DOCK1: variants seen among roughly 807,000 people sequenced by gnomAD.
The protein encoded by DOCK1 is dedicator of cytokinesis 1.
Under a neutral mutation model 262.7 loss-of-function variants are expected in DOCK1, and 138 were observed. That is an observed-to-expected ratio of 0.53 (90% CI 0.46 to 0.61). The LOEUF is 0.61. DOCK1 is among the 20% of genes least tolerant of loss of function. DOCK1 has a pLI of 0.00. For synonymous variants in DOCK1, 866 were observed against 867.4 expected, an observed-to-expected ratio of 1.00 and a Z score of 0.03; for missense variants, 1,908 against 2,370.7, an observed-to-expected ratio of 0.80 and a Z score of 4.05.
intron 29 of DOCK1, among the ~76,000 whole-genome samples, chr10:127,330,800 C>T (rs1198981557): frequency 6.6e-6 from 1 of 152,156 alleles, no homozygotes; most frequent in Non-Finnish European, 1.5e-5. Context: ...TAGAAGAAGT[C>T]ATGAATATTA....
At chr10:126,952,503 A>G (rs2036346796) in intron 1 of DOCK1, among the ~76,000 whole-genome samples, 1 of 135,224 alleles carries the variant, frequency 7.4e-6, no homozygotes, top group Non-Finnish European at 1.6e-5. Flanking sequence ...TATTATTGGT[A>G]GTGTTGGTGT....
chr10:127,067,342 A>G (rs1408914138), intron 23 of DOCK1, among the ~76,000 whole-genome samples: 1 of 152,118 alleles, frequency 6.6e-6, no homozygotes, highest in Non-Finnish European at 1.5e-5. Flanking sequence ...AAATATTACT[A>G]CCTTCCCTTA....
chr10:127,295,916 TCTC>T (rs2061489909), intron 29 of DOCK1, among the ~76,000 whole-genome samples: 1 of 152,204 alleles, frequency 6.6e-6, no homozygotes, highest in Non-Finnish European at 1.5e-5. Flanking sequence ...AATATTTAAA[TCTC>T]CTCTATTGGA....
At chr10:127,405,329 A>T (rs2067456962) in intron 40 of DOCK1, among the ~76,000 whole-genome samples, 1 of 152,174 alleles carries the variant, frequency 6.6e-6, no homozygotes, top group African/African-American at 2.4e-5. Context: ...AAGTTACATA[A>T]ATATTAATAG....
At chr10:127,235,406 G>A (rs1240968618) in intron 27 of DOCK1, among the ~76,000 whole-genome samples, 2 of 152,024 alleles carry the variant, frequency 1.3e-5, no homozygotes, top group East Asian at 3.9e-4. Context: ...TCTGTATCTG[G>A]CTTATTTTGC....
intron 1 of DOCK1, among the ~76,000 whole-genome samples, chr10:126,966,760 C>A (rs1162213218): frequency 6.6e-6 from 1 of 152,050 alleles, no homozygotes; most frequent in East Asian, 1.9e-4. Flanking sequence ...GGGAAAAGAT[C>A]CACTCACTGT....
intron 27 of DOCK1, among the ~76,000 whole-genome samples, chr10:127,245,152 A>C (rs867380602): frequency 1.3e-5 from 2 of 152,222 alleles, no homozygotes; most frequent in African/African-American, 4.8e-5. Flanking sequence ...GCCCAAAAAA[A>C]TACTGATAAC....
chr10:127,152,642 T>C (rs1239669257), intron 27 of DOCK1, among the ~76,000 whole-genome samples: 1 of 152,238 alleles, frequency 6.6e-6, no homozygotes, highest in African/African-American at 2.4e-5. Context: ...CAGCATAGGA[T>C]GTCAGCAGCA....
chr10:127,017,394 TACAG>T, intron 12 of DOCK1, among the ~76,000 whole-genome samples: 1 of 151,104 alleles, frequency 6.6e-6, no homozygotes, highest in East Asian at 2.0e-4. Flanking sequence ...TACATACAGA[TACAG>T]ACACAGACAT....
intron 23 of DOCK1, among the ~76,000 whole-genome samples, chr10:127,063,429 G>C (rs757175608): frequency 2.0e-5 from 3 of 152,114 alleles, no homozygotes; most frequent in Non-Finnish European, 2.9e-5. Flanking sequence ...AGGTGGTGCA[G>C]CTGTTTGGTG....
At chr10:127,030,547 G>C (rs958976062) in intron 16 of DOCK1, among the ~76,000 whole-genome samples, 2 of 152,144 alleles carry the variant, frequency 1.3e-5, no homozygotes, top group Non-Finnish European at 2.9e-5. Flanking sequence ...GATTGTCCCC[G>C]TTGTCACTGT....
intron 27 of DOCK1, among the ~76,000 whole-genome samples, chr10:127,128,766 A>T (rs926648085): frequency 2.0e-5 from 3 of 152,188 alleles, no homozygotes; most frequent in African/African-American, 7.2e-5. Context: ...TATAGGTGCC[A>T]CATTTTCTTT....
intron 11 of DOCK1, 78 bp downstream of exon 11, chr10:127,008,882 A>ATT: frequency 5.6e-6 from 7 of 1,255,444 alleles, no homozygotes; most frequent in Non-Finnish European, 6.7e-6. Context: ...CTTTATAATT[A>ATT]AATGGATAAA....
chr10:127,268,284 G>A (rs190417651), intron 29 of DOCK1, among the ~76,000 whole-genome samples: 319 of 151,916 alleles, frequency 2.1e-3, no homozygotes, highest in African/African-American at 2.7e-3. Context: ...TTGGGAGGCC[G>A]AGGGAGTTCG....
At chr10:127,237,158 A>G (rs931306592) in intron 27 of DOCK1, among the ~76,000 whole-genome samples, 2 of 152,132 alleles carry the variant, frequency 1.3e-5, no homozygotes, top group Admixed American at 6.5e-5. Flanking sequence ...CTGGAGTTTG[A>G]GACCAGCCTG....
At chr10:126,958,282 A>G (rs2036909477) in intron 1 of DOCK1, among the ~76,000 whole-genome samples, 1 of 152,132 alleles carries the variant, frequency 6.6e-6, no homozygotes, top group African/African-American at 2.4e-5. Context: ...ATGGTGTTGA[A>G]CTTTTTTCTG....
At chr10:127,311,093 T>C (rs902595753) in intron 29 of DOCK1, among the ~76,000 whole-genome samples, 5 of 152,208 alleles carry the variant, frequency 3.3e-5, no homozygotes, top group East Asian at 1.9e-4. Flanking sequence ...CCAGACTTCA[T>C]TGAGCACACG....
chr10:127,255,181 C>T (rs1295203188), intron 28 of DOCK1, among the ~76,000 whole-genome samples: 1 of 152,152 alleles, frequency 6.6e-6, no homozygotes. Flanking sequence ...AGGAGGATTC[C>T]TTGAGCCCAG....
At chr10:127,093,001 C>T (rs932906479) in intron 23 of DOCK1, among the ~76,000 whole-genome samples, 1 of 152,002 alleles carries the variant, frequency 6.6e-6, no homozygotes, top group Non-Finnish European at 1.5e-5. Flanking sequence ...GCCAGAAGTC[C>T]AAGAGCAAGG....
Sources: gnomAD v4.1 joint callset for allele counts (sites outside exome capture counted in the v4.1 genomes callset) on GRCh38, gnomAD v4.1.1 for gene constraint, MANE v1.5 for transcripts, NCBI Gene and HGNC (gene_info 2026-07-23, HGNC 2026-07-21) for gene names.